The following FBXL17 variants were observed in gnomAD, a reference collection of about 807,000 sequenced individuals.
The protein encoded by FBXL17 is F-box and leucine rich repeat protein 17.
Under a neutral mutation model 66.2 loss-of-function variants are expected in FBXL17, and 22 were observed. The observed-to-expected ratio is 0.33, with a 90% CI of 0.24 to 0.47. FBXL17 has a LOEUF of 0.47. Ranked by LOEUF, FBXL17 falls within the 20% of genes least tolerant of loss-of-function variation. FBXL17 has a pLI of 1.00. For synonymous variants in FBXL17, 474 were observed against 400.5 expected, an observed-to-expected ratio of 1.18 and a Z score of -2.19; for missense variants, 878 against 948.2, an observed-to-expected ratio of 0.93 and a Z score of 0.97.
At chr5:107,884,785 C>T (rs1370725687) in intron 7 of FBXL17, among the ~76,000 whole-genome samples, 1 of 152,172 alleles carries the variant, frequency 6.6e-6, no homozygotes, top group Non-Finnish European at 1.5e-5. Flanking sequence ...ATTATTTGTC[C>T]TGTCTACTTC....
chr5:108,015,333 G>C (rs571130143), intron 7 of FBXL17, among the ~76,000 whole-genome samples: 122 of 152,186 alleles, frequency 8.0e-4, no homozygotes, highest in African/African-American at 2.8e-3. Context: ...ATAATCAACA[G>C]TAAACATTAG....
intron 7 of FBXL17, among the ~76,000 whole-genome samples, chr5:107,986,425 C>T (rs1366891961): frequency 1.3e-5 from 2 of 151,582 alleles, no homozygotes; most frequent in East Asian, 3.9e-4. Flanking sequence ...AATGTTAGAA[C>T]AACATAACAC....
chr5:108,350,787 A>G (rs1747594558), intron 3 of FBXL17, among the ~76,000 whole-genome samples: 1 of 152,236 alleles, frequency 6.6e-6, no homozygotes, highest in Non-Finnish European at 1.5e-5. Context: ...CATACAAGTT[A>G]TCAAAAGATT....
chr5:108,262,170 G>C (rs753148717), intron 4 of FBXL17, among the ~76,000 whole-genome samples: 2 of 150,348 alleles, frequency 1.3e-5, no homozygotes, highest in Non-Finnish European at 2.9e-5. Flanking sequence ...TCCGCCTCCC[G>C]GGTTCACGCC....
At chr5:108,371,566 T>C (rs1240928292) in intron 1 of FBXL17, among the ~76,000 whole-genome samples, 1 of 152,078 alleles carries the variant, frequency 6.6e-6, no homozygotes, top group African/African-American at 2.4e-5. Flanking sequence ...AAACTGCCCA[T>C]GAGAAAACCC....
intron 7 of FBXL17, among the ~76,000 whole-genome samples, chr5:107,980,952 A>AT (rs1446664126): frequency 1.6e-4 from 25 of 152,054 alleles, no homozygotes; most frequent in Admixed American, 1.5e-3. Flanking sequence ...CCAAAATAAT[A>AT]TTTTTTAACA....
At chr5:108,371,077 C>A (rs1345168551) in intron 1 of FBXL17, among the ~76,000 whole-genome samples, 1 of 152,028 alleles carries the variant, frequency 6.6e-6, no homozygotes, top group East Asian at 1.9e-4. Flanking sequence ...TCTTTCTGGA[C>A]AAAGGACCAG....
At chr5:108,129,976 T>C (rs1158708711) in intron 6 of FBXL17, among the ~76,000 whole-genome samples, 1 of 151,796 alleles carries the variant, frequency 6.6e-6, no homozygotes, top group Non-Finnish European at 1.5e-5. Flanking sequence ...TTCCGATAAG[T>C]CTCTATAAAC....
At chr5:107,947,245 A>G (rs1751342533) in intron 7 of FBXL17, among the ~76,000 whole-genome samples, 1 of 152,238 alleles carries the variant, frequency 6.6e-6, no homozygotes, top group South Asian at 2.1e-4. Flanking sequence ...CTTCTTGTGT[A>G]TTAAGACTTT....
rs188228322 is a variant in FBXL17, at chr5:107,977,386, T to C, written c.1822+43539A>G. ...AATGCTAGGAACTTTACATTTATTA[T>C]TGCTAAACTTTCAACAATCTTGCAA... On this transcript the variant is annotated intron_variant, in intron 7 of 8. Transcript: ENST00000542267. Among the ~76,000 whole-genome samples, 536 of 152,344 alleles carry C rather than the reference T, an allele frequency of 3.5e-3. 6 individuals are homozygous for C. The highest frequency in any genetic ancestry group is 0.013 in the African/African-American group (523 of 41,572).
In FBXL17 at chr5:108,065,481, G is replaced by A. The variant is rs1561393267; in HGVS notation, c.1746-44480C>T. Among the ~76,000 whole-genome samples, 4 of 152,248 alleles carry A rather than the reference G, an allele frequency of 2.6e-5. No individual in the cohort carries two copies. In the South Asian group the frequency reaches 6.2e-4, roughly 24 times the overall value. ...AAAAACTTGGATTCACAATCACAAC[G>A]TGGCAATTAATCCCTTGTACGTTGT... On this transcript the variant is annotated intron_variant, in intron 6 of 8. Transcript: ENST00000542267.
At chr5:108,001,528 T>G (rs964974796) in intron 7 of FBXL17, among the ~76,000 whole-genome samples, 1 of 151,822 alleles carries the variant, frequency 6.6e-6, no homozygotes, top group Non-Finnish European at 1.5e-5. Context: ...TGAGACAGAG[T>G]CGCACTCCAT....
chr5:107,940,760 A>G (rs1157026442), intron 7 of FBXL17, among the ~76,000 whole-genome samples: 1 of 152,180 alleles, frequency 6.6e-6, no homozygotes, highest in African/African-American at 2.4e-5. Flanking sequence ...ACTAATACAC[A>G]TAATTGGATC....
chr5:108,160,181 TAC>T (rs1414267262), intron 6 of FBXL17, among the ~76,000 whole-genome samples: 1 of 152,142 alleles, frequency 6.6e-6, no homozygotes, highest in Non-Finnish European at 1.5e-5. Context: ...TGAAAAGACA[TAC>T]AGTTAATATA....
chr5:107,992,088 T>TTGTGTGTGTG (rs3039988), intron 7 of FBXL17, among the ~76,000 whole-genome samples: 12 of 149,132 alleles, frequency 8.0e-5, no homozygotes, highest in African/African-American at 2.5e-4. Flanking sequence ...ATCATATTAA[T>TTGTGTGTGTG]TGTGTGTGTG....
At chr5:108,147,823 T>C (rs1751617290) in intron 6 of FBXL17, among the ~76,000 whole-genome samples, 1 of 151,942 alleles carries the variant, frequency 6.6e-6, no homozygotes, top group Non-Finnish European at 1.5e-5. Flanking sequence ...TGATCACCTA[T>C]GAAAGAATGT....
chr5:108,163,968 T>G (rs986983965), intron 6 of FBXL17, among the ~76,000 whole-genome samples: 1 of 152,226 alleles, frequency 6.6e-6, no homozygotes, highest in East Asian at 1.9e-4. Context: ...TTTTTCCAGA[T>G]TTTATCTCCT....
intron 4 of FBXL17, among the ~76,000 whole-genome samples, chr5:108,343,284 A>G (rs1390901928): frequency 6.6e-6 from 1 of 152,206 alleles, no homozygotes; most frequent in African/African-American, 2.4e-5. Context: ...AGAATGCCAC[A>G]TTCAAATATT....
intron 4 of FBXL17, among the ~76,000 whole-genome samples, chr5:108,258,737 A>ATTTTTTT (rs759401052): frequency 0.033 from 4,022 of 122,618 alleles, 204 homozygotes; most frequent in African/African-American, 0.12. Flanking sequence ...GGCCTTTAAC[A>ATTTTTTT]TTTTTTTTTT....
Sources: allele counts gnomAD v4.1 joint callset (sites outside exome capture counted in the v4.1 genomes callset), GRCh38; gene constraint gnomAD v4.1.1; transcripts MANE v1.5; gene names NCBI Gene and HGNC (gene_info 2026-07-23, HGNC 2026-07-21).